Variants in RANBP2 observed in about 807,000 individuals in gnomAD.
The protein encoded by RANBP2 is E3 SUMO-protein ligase RanBP2.
Under a neutral mutation model 303.6 loss-of-function variants are expected in RANBP2, and 57 were observed. The observed-to-expected ratio is 0.19, with a 90% CI of 0.15 to 0.23. The LOEUF is 0.23. Ranked by LOEUF, RANBP2 falls within the 10% of genes least tolerant of loss-of-function variation. The pLI is 1.00. For missense variants in RANBP2, 3,138 were observed against 3,780.8 expected (o/e 0.83, Z 4.46); for synonymous variants, 1,167 against 1,301.5 (o/e 0.90, Z 2.23).
At chr2:109,285,133 AG>A in the RANBP2 span, among the ~76,000 whole-genome samples, 1 of 152,222 alleles carries the variant, frequency 6.6e-6, no homozygotes, top group East Asian at 1.9e-4. Flanking sequence ...GGTCTGGAGT[AG>A]GGGTGACAGT....
the RANBP2 span, among the ~76,000 whole-genome samples, chr2:109,217,431 T>TCCA: frequency 1.3e-5 from 2 of 152,362 alleles, no homozygotes; most frequent in South Asian, 2.1e-4. Context: ...GCTCACCAGA[T>TCCA]GGTTTGTCTC....
chr2:109,608,959 T>C, the RANBP2 span, among the ~76,000 whole-genome samples: 19 of 152,212 alleles, frequency 1.2e-4, no homozygotes, highest in Non-Finnish European at 1.9e-4. Context: ...GGGTCCTGTA[T>C]GTATTCTTGA....
At chr2:109,164,594 A>G in the RANBP2 span, among the ~76,000 whole-genome samples, 1 of 152,172 alleles carries the variant, frequency 6.6e-6, no homozygotes, top group Non-Finnish European at 1.5e-5. Context: ...TCTAGAACTC[A>G]GCCAGGCAGC....
the RANBP2 span, among the ~76,000 whole-genome samples, chr2:109,296,633 C>CTGGG: frequency 6.6e-6 from 1 of 152,198 alleles, no homozygotes; most frequent in Non-Finnish European, 1.5e-5. Context: ...GGTAAATGAG[C>CTGGG]TGGGCCCTGC....
At chr2:109,191,429 G>A in the RANBP2 span, among the ~76,000 whole-genome samples, 77,712 of 151,998 alleles carry the variant, frequency 0.51, 20,472 homozygotes, top group South Asian at 0.61. Context: ...AGAAAGTGGG[G>A]TGAGTTATAA....
chr2:108,746,557 G>C (rs1290782303), intron 7 of RANBP2, among the ~76,000 whole-genome samples, 154 bp from the exon 8 acceptor site: 10 of 147,202 alleles, frequency 6.8e-5, no homozygotes, highest in African/African-American at 2.5e-4. Context: ...TAAATTCCTT[G>C]GTTCCCAGTT....
At chr2:108,976,681 A>C in the RANBP2 span, among the ~76,000 whole-genome samples, 2 of 152,098 alleles carry the variant, frequency 1.3e-5, no homozygotes, top group Non-Finnish European at 2.9e-5. Flanking sequence ...ATTTATTTTA[A>C]ACTCTGGGTT....
chr2:109,059,293 G>C, the RANBP2 span, among the ~76,000 whole-genome samples: 1 of 152,206 alleles, frequency 6.6e-6, no homozygotes, highest in East Asian at 1.9e-4. Context: ...ACACAGCATG[G>C]GGCTGGGCAA....
chr2:109,349,083 C>G, the RANBP2 span, among the ~76,000 whole-genome samples: 1 of 152,274 alleles, frequency 6.6e-6, no homozygotes, highest in East Asian at 1.9e-4. Context: ...AGAATTCTAA[C>G]TCGAATCTCT....
chr2:109,096,149 G>A, the RANBP2 span, among the ~76,000 whole-genome samples: 1 of 152,014 alleles, frequency 6.6e-6, no homozygotes, highest in Admixed American at 6.5e-5. Context: ...AACCTTACAG[G>A]ATCAAATTCT....
chr2:109,150,471 T>A, the RANBP2 span, among the ~76,000 whole-genome samples: 2 of 152,172 alleles, frequency 1.3e-5, no homozygotes, highest in Admixed American at 1.3e-4. Flanking sequence ...CTTAGAAAAA[T>A]AGTTTTTTTA....
At chr2:109,484,838 G>T in the RANBP2 span, among the ~76,000 whole-genome samples, 42 of 152,280 alleles carry the variant, frequency 2.8e-4, no homozygotes, top group African/African-American at 8.9e-4. Context: ...GTCTGCAGGT[G>T]CTCCCAGGCC....
chr2:108,783,925 T>A lies in RANBP2; in HGVS notation c.*24T>A. 1 of 1,582,026 alleles carries A rather than the reference T, an allele frequency of 6.3e-7. No individual in the cohort carries two copies. Among genetic ancestry groups the A allele is most frequent in the South Asian group, 1.1e-5 (1 of 90,142 alleles). ...AAAATCATTGTTGTTCATAGAAAATTTCATCTGTATAAGCAGTTGGATTGA... is the reference window on the plus strand; with the variant it reads ...AAAATCATTGTTGTTCATAGAAAATATCATCTGTATAAGCAGTTGGATTGA... On this transcript the variant is annotated 3_prime_UTR_variant, in exon 29 of 29. Coordinates refer to ENST00000283195, the MANE Select transcript of RANBP2 (RefSeq NM_006267.5).
chr2:108,888,535 T>C, the RANBP2 span, among the ~76,000 whole-genome samples: 3 of 152,082 alleles, frequency 2.0e-5, no homozygotes, highest in Non-Finnish European at 2.9e-5. Flanking sequence ...ACTGATTCAA[T>C]CTTGGTAGGT....
At chr2:109,025,831 A>C in the RANBP2 span, among the ~76,000 whole-genome samples, 81 of 151,284 alleles carry the variant, frequency 5.4e-4, no homozygotes, top group Non-Finnish European at 1.0e-3. Flanking sequence ...AATTACATCA[A>C]TAGGTTAGAG....
the RANBP2 span, among the ~76,000 whole-genome samples, chr2:109,444,831 A>G: frequency 6.6e-6 from 1 of 152,242 alleles, no homozygotes; most frequent in African/African-American, 2.4e-5. Flanking sequence ...GTTAGCCAAT[A>G]AACTCAAGAG....
chr2:109,088,127 G>A, the RANBP2 span, among the ~76,000 whole-genome samples: 8 of 152,202 alleles, frequency 5.3e-5, no homozygotes, highest in East Asian at 3.9e-4. Flanking sequence ...GGCCGGGTAC[G>A]GTGGCTCACA....
At chr2:109,633,453 G>A in the RANBP2 span, among the ~76,000 whole-genome samples, 2 of 151,668 alleles carry the variant, frequency 1.3e-5, no homozygotes, top group African/African-American at 2.4e-5. Flanking sequence ...AAGGTAACAG[G>A]CAGGAAATGA....
the RANBP2 span, among the ~76,000 whole-genome samples, chr2:109,451,530 G>C: frequency 6.6e-6 from 1 of 151,078 alleles, no homozygotes; most frequent in African/African-American, 2.4e-5. Context: ...GGGTTTCTAT[G>C]ACATTACGTC....
Sources: gnomAD v4.1 joint callset for allele counts (sites outside exome capture counted in the v4.1 genomes callset) on GRCh38, gnomAD v4.1.1 for gene constraint, MANE v1.5 for transcripts, NCBI Gene and HGNC (gene_info 2026-07-23, HGNC 2026-07-21) for gene names.